Variants in B3GLCT observed in about 807,000 individuals in gnomAD.
B3GLCT encodes beta 3-glucosyltransferase, also known as beta-1,3-glucosyltransferase.
A neutral mutation model predicts 63.4 loss-of-function variants in B3GLCT; 65 were observed. The ratio of observed to expected loss-of-function variants is 1.03; its 90% CI spans 0.84 to 1.26. The LOEUF (loss-of-function observed/expected upper bound fraction) is 1.26. Among genes scored for constraint, B3GLCT ranks in the 50% most tolerant of loss-of-function variants. The probability of loss-of-function intolerance (pLI) is 0.00; values close to 1 mark genes in which losing one functional copy is unlikely to be tolerated. For synonymous variants in B3GLCT, 233 were observed against 219.2 expected, an observed-to-expected ratio of 1.06 and a Z score of -0.55; for missense variants, 577 against 604.8, an observed-to-expected ratio of 0.95 and a Z score of 0.48.
At chr13:31,239,091 G>T (rs559090755) in intron 4 of B3GLCT, among the ~76,000 whole-genome samples, 4 of 152,266 alleles carry the variant, frequency 2.6e-5, no homozygotes, top group Admixed American at 6.5e-5. Flanking sequence ...GTCTGCTTTT[G>T]GGATGCCAAG....
chr13:31,311,398 T>C (rs933000588), intron 12 of B3GLCT: 1 of 152,316 alleles, frequency 6.6e-6, no homozygotes, highest in Non-Finnish European at 1.5e-5. Context: ...TGTACCATGC[T>C]AGACTGGCTG....
chr13:31,260,634 G>T (rs188063290), intron 6 of B3GLCT, among the ~76,000 whole-genome samples: 94 of 152,048 alleles, frequency 6.2e-4, no homozygotes, highest in African/African-American at 2.2e-3. Context: ...TATTTTCTTT[G>T]CCCTAATAGT....
chr13:31,301,265 A>G, intron 12 of B3GLCT, among the ~76,000 whole-genome samples: 1 of 152,102 alleles, frequency 6.6e-6, no homozygotes, highest in South Asian at 2.1e-4. Context: ...CCCAGGAGGT[A>G]CTCTGCAGAG....
chr13:31,227,482 G>C (rs962565318), intron 3 of B3GLCT, among the ~76,000 whole-genome samples: 32 of 152,146 alleles, frequency 2.1e-4, no homozygotes, highest in African/African-American at 7.7e-4. Flanking sequence ...ACCCATTTAA[G>C]TCTTACCCAT....
intron 14 of B3GLCT, among the ~76,000 whole-genome samples, chr13:31,326,090 GA>G (rs1181710483): frequency 6.6e-6 from 1 of 152,012 alleles, no homozygotes; most frequent in Non-Finnish European, 1.5e-5. Context: ...GAAATTTCCC[GA>G]AAAGTTTTAG....
chr13:31,269,865 C>T (rs925561775), intron 8 of B3GLCT, among the ~76,000 whole-genome samples: 5 of 152,182 alleles, frequency 3.3e-5, no homozygotes, highest in African/African-American at 1.2e-4. Context: ...CTTAATCTGC[C>T]AGTCCCTTGA....
intron 4 of B3GLCT, among the ~76,000 whole-genome samples, chr13:31,238,494 C>T (rs1870766476): frequency 6.6e-6 from 1 of 152,152 alleles, no homozygotes; most frequent in African/African-American, 2.4e-5. Flanking sequence ...AGGTTCTATT[C>T]TATGTGCAGA....
At chr13:31,206,750 A>C (rs1246793861) in intron 1 of B3GLCT, among the ~76,000 whole-genome samples, 1 of 152,148 alleles carries the variant, frequency 6.6e-6, no homozygotes. Flanking sequence ...AAACAAAAAA[A>C]AACAAAAGAT....
chr13:31,310,261 C>T (rs1874636750), intron 12 of B3GLCT, among the ~76,000 whole-genome samples: 1 of 152,176 alleles, frequency 6.6e-6, no homozygotes, highest in African/African-American at 2.4e-5. Flanking sequence ...CAGAGGGCTA[C>T]CCACTTTGGG....
chr13:31,304,150 C>G (rs1874324100), intron 12 of B3GLCT, among the ~76,000 whole-genome samples: 1 of 99,818 alleles, frequency 1.0e-5, no homozygotes, highest in African/African-American at 4.3e-5. Flanking sequence ...CGCCACCAGG[C>G]CTGCCCTAAA....
chr13:31,247,700 C>T (rs1350538835), intron 5 of B3GLCT, among the ~76,000 whole-genome samples, 155 bp from the exon 6 acceptor site: 1 of 152,200 alleles, frequency 6.6e-6, no homozygotes, highest in Non-Finnish European at 1.5e-5. Context: ...AAACCATTAG[C>T]ATCTGGCTTT....
At chr13:31,313,270 T>A (rs889582328) in intron 12 of B3GLCT, among the ~76,000 whole-genome samples, 1 of 152,222 alleles carries the variant, frequency 6.6e-6, no homozygotes, top group African/African-American at 2.4e-5. Flanking sequence ...AAAAGATATC[T>A]TGGTGAATAA....
At chr13:31,223,749 C>A (rs1869947136) in intron 3 of B3GLCT, among the ~76,000 whole-genome samples, 1 of 151,990 alleles carries the variant, frequency 6.6e-6, no homozygotes. Flanking sequence ...GAGGAATGAC[C>A]CAAGTCTGGA....
intron 12 of B3GLCT, among the ~76,000 whole-genome samples, chr13:31,316,204 C>T (rs559621428): frequency 6.6e-6 from 1 of 151,664 alleles, no homozygotes; most frequent in South Asian, 2.1e-4. Flanking sequence ...CACCATCTTC[C>T]AGACCCCAGA....
At position 31,328,715 on chromosome 13, in the gene B3GLCT, A is replaced by AC. The variant is rs1484305288; in HGVS notation, c.1330-786_1330-785insC. Among the ~76,000 whole-genome samples the AC allele has an allele frequency of 4.9e-4, 74 of 151,336 alleles. 1 individual carries two copies. Among genetic ancestry groups the AC allele is most frequent in the South Asian group, 2.7e-3 (13 of 4,774 alleles). Reference sequence around the variant, plus strand: ...CTCAAAAAAAAAAAAAAAAAAAAAAAAAGGTTTACCGAGAGAAACTGGATA... The same window carrying AC: ...CTCAAAAAAAAAAAAAAAAAAAAAAACAAGGTTTACCGAGAGAAACTGGATA... On this transcript the variant is annotated intron_variant, in intron 14 of 14. Transcript: ENST00000343307.
chr13:31,208,182 T>C (rs1226748448), intron 1 of B3GLCT, among the ~76,000 whole-genome samples: 1 of 151,984 alleles, frequency 6.6e-6, no homozygotes, highest in African/African-American at 2.4e-5. Context: ...GGGTCTCCTC[T>C]ACTGCCACAT....
At chr13:31,296,306 A>G (rs1415075165) in intron 12 of B3GLCT, among the ~76,000 whole-genome samples, 2 of 152,096 alleles carry the variant, frequency 1.3e-5, no homozygotes, top group African/African-American at 4.8e-5. Context: ...TTTGATAATT[A>G]TTTCTCATAG....
rs1324174314 is a variant in B3GLCT, at chr13:31,267,018, G to A, written c.597-2196G>A. 1.4e-4 allele frequency among the ~76,000 whole-genome samples: 21 copies of A among 152,020 alleles called. 1 individual carries two copies. Among genetic ancestry groups the A allele is most frequent in the Admixed American group, 1.3e-3 (20 of 15,268 alleles). On this transcript the variant is annotated intron_variant, in intron 7 of 14. Coordinates refer to ENST00000343307, the MANE Select transcript of B3GLCT (RefSeq NM_194318.4). ...ACTCCTGACCTCAGATGATCCCCAC[G>A]CCTCAGCCTCCCAAAGTGCTGGGAT...
At chr13:31,250,950 C>G (rs568075397) in intron 6 of B3GLCT, among the ~76,000 whole-genome samples, 180 of 152,268 alleles carry the variant, frequency 1.2e-3, no homozygotes, top group African/African-American at 4.3e-3. Context: ...CGACAGACAC[C>G]TCATACAGGA....
Sources: allele counts gnomAD v4.1 joint callset (sites outside exome capture counted in the v4.1 genomes callset), GRCh38; gene constraint gnomAD v4.1.1; transcripts MANE v1.5; gene names NCBI Gene and HGNC (gene_info 2026-07-23, HGNC 2026-07-21).